SLC27A6: variants seen among roughly 807,000 people sequenced by gnomAD.
SLC27A6 encodes the protein long-chain fatty acid transport protein 6.
A neutral mutation model predicts 63.9 loss-of-function variants in SLC27A6; 74 were observed. That is an observed-to-expected ratio of 1.16 (90% confidence interval 0.96 to 1.40). SLC27A6 has a LOEUF of 1.40. SLC27A6 is among the 40% of genes most tolerant of loss of function. SLC27A6 has a pLI of 0.00. For missense variants in SLC27A6, 794 were observed against 732.9 expected, an observed-to-expected ratio of 1.08 and a Z score of -0.96; for synonymous variants, 287 against 260.8, an observed-to-expected ratio of 1.10 and a Z score of -0.97.
At chr5:128,985,774 G>T (rs563403451) in intron 2 of SLC27A6, among the ~76,000 whole-genome samples, 8 of 152,136 alleles carry the variant, frequency 5.3e-5, no homozygotes, top group Non-Finnish European at 1.0e-4. Flanking sequence ...GTGTTTTAAT[G>T]TACTTGAAAA....
rs144856578 is a variant in SLC27A6, at chr5:129,028,371, C to T, written c.1481C>T (p.Thr494Ile). The T allele has an allele frequency of 4.7e-5, 76 of 1,610,736 alleles. No homozygotes were observed. The African/African-American group carries it at 7.3e-4, about 16-fold the overall frequency. Residue 494 changes from threonine (T) to isoleucine (I), a missense_variant, in exon 8 of 10, where the codon ACT becomes ATT. Physicochemically the swap from Thr to Ile is moderately conservative, Grantham distance 89 (BLOSUM62 -1). Transcript: ENST00000262462. ...TGGAAAGGAGAAAATGTCGCAACCA[C>T]TGAGGTTGCTGATGTTATTGGAATG... is the stretch of plus-strand genomic sequence containing the variant. Reference protein sequence around the residue: ...FRWKGENVATTEVADVIGMLD... With the variant: ...FRWKGENVATIEVADVIGMLD...
intron 4 of SLC27A6, among the ~76,000 whole-genome samples, chr5:128,996,998 A>C (rs1751182963): frequency 6.6e-6 from 1 of 152,102 alleles, no homozygotes; most frequent in Admixed American, 6.6e-5. Flanking sequence ...GGGCATATTA[A>C]AAATATTCTC....
rs1021041579 is a variant in SLC27A6, at chr5:129,028,517, T to C, written c.1552+75T>C. 4.0e-5 allele frequency: 35 copies of C among 864,766 alleles called. No individual in the cohort carries two copies. In the Admixed American group the frequency reaches 4.8e-4, roughly 12 times the overall value. 53.6% of individuals were successfully genotyped at this position (864,766 alleles called of 1,614,324 possible). On this transcript the variant is annotated intron_variant, in intron 8 of 9. Coordinates refer to ENST00000262462, the MANE Select transcript of SLC27A6 (RefSeq NM_001017372.3). ...CTATTCTCTAGTTTTGCAACAGTCT[T>C]GCTAATTCAACATTTTAATTTTTGT...
At position 128,966,513 on chromosome 5, in the gene SLC27A6, G is replaced by T. The variant is rs752295243; in HGVS notation, c.376G>T (p.Ala126Ser). 1.6e-5 allele frequency: 25 copies of T among 1,605,286 alleles called. No individual in the cohort carries two copies. Among genetic ancestry groups the T allele is most frequent in the African/African-American group, 8.0e-5 (6 of 74,590 alleles). ...CTTCGTTCACGTGTGGTTCGGCCTC[G>T]CCAAGCTGGGCTGCGTGGTGGCCTT... ...PDFVHVWFGL[A>S]KLGCVVAFLN... is the part of the protein sequence containing the mutation. The change falls in exon 1 of 10, where the codon GCC becomes TCC. Residue 126 changes from alanine (A) to serine (S), a missense_variant. Transcript: ENST00000262462.
intron 4 of SLC27A6, among the ~76,000 whole-genome samples, chr5:129,013,924 A>G (rs1332226159): frequency 6.6e-6 from 1 of 152,180 alleles, no homozygotes; most frequent in African/African-American, 2.4e-5. Flanking sequence ...CTGATGGCAC[A>G]TGGCTGGGAT....
intron 4 of SLC27A6, among the ~76,000 whole-genome samples, chr5:128,992,079 A>C (rs549226670): frequency 6.6e-6 from 1 of 151,756 alleles, no homozygotes; most frequent in Admixed American, 6.6e-5. Flanking sequence ...TCAGATCCAC[A>C]TCAGCCCCTT....
intron 4 of SLC27A6, among the ~76,000 whole-genome samples, chr5:128,999,717 T>G (rs563407520): frequency 2.0e-5 from 3 of 151,978 alleles, no homozygotes; most frequent in Admixed American, 2.0e-4. Context: ...CTTGGACTGT[T>G]CCCCCCCTGG....
intron 1 of SLC27A6, among the ~76,000 whole-genome samples, chr5:128,978,836 T>C (rs1281929800): frequency 1.3e-5 from 2 of 152,182 alleles, no homozygotes; most frequent in African/African-American, 4.8e-5. Flanking sequence ...GATGGTCCCA[T>C]AAGATTGTAA....
At chr5:128,982,196 CTTTTA>C (rs1046279020) in intron 1 of SLC27A6, among the ~76,000 whole-genome samples, 1 of 152,140 alleles carries the variant, frequency 6.6e-6, no homozygotes, top group Non-Finnish European at 1.5e-5. Flanking sequence ...CTACATGACT[CTTTTA>C]TTTTAACTTT....
At chr5:128,967,648 T>A (rs1055194160) in intron 1 of SLC27A6, among the ~76,000 whole-genome samples, 2 of 152,114 alleles carry the variant, frequency 1.3e-5, no homozygotes, top group African/African-American at 2.4e-5. Context: ...CCAAAGTGAG[T>A]TAGGCAGTAT....
At chr5:129,028,990 G>A (rs1441181779) in intron 8 of SLC27A6, among the ~76,000 whole-genome samples, 3 of 151,940 alleles carry the variant, frequency 2.0e-5, no homozygotes, top group Non-Finnish European at 4.4e-5. Flanking sequence ...GCTTTTAGGT[G>A]CAGGAGAGAT....
At chr5:129,015,754 A>G (rs781094403) in intron 4 of SLC27A6, 131 bp from the exon 5 acceptor site, 19 of 625,272 alleles carry the variant, frequency 3.0e-5, no homozygotes, top group Non-Finnish European at 5.2e-5. Flanking sequence ...ATAGACTTAT[A>G]CACATATTTT....
chr5:128,973,652 A>G lies in SLC27A6; in HGVS notation c.481+7034A>G, dbSNP rs1391381472. Among the ~76,000 whole-genome samples, 6 of 152,306 alleles carry G rather than the reference A, an allele frequency of 3.9e-5. No homozygotes were observed. In the East Asian group the frequency reaches 1.2e-3, roughly 29 times the overall value. ...AAAAGTGCAGTATTAGAGTGAGAGT[A>G]TCCCGAGTTTCCAGGTACCGTCTGT... On this transcript the variant is annotated intron_variant, in intron 1 of 9. Transcript: ENST00000262462.
rs190993765 is a variant in SLC27A6 at position 129,001,938 on chromosome 5, G to C, written c.969+11474G>C. On this transcript the variant is annotated intron_variant, in intron 4 of 9. Coordinates refer to ENST00000262462, the MANE Select transcript of SLC27A6 (RefSeq NM_001017372.3). ...CTTGACCTTGTAGGAGGTACCTACA[G>C]TTCAACTTACTGTGCAGCAGCTCAG... 3.9e-5 allele frequency among the ~76,000 whole-genome samples: 6 copies of C among 152,346 alleles called. No homozygotes were observed. The East Asian group carries it at 1.2e-3, about 29-fold the overall frequency.
At chr5:128,986,877 T>C (rs1750806427) in intron 2 of SLC27A6, among the ~76,000 whole-genome samples, 1 of 151,244 alleles carries the variant, frequency 6.6e-6, no homozygotes, top group African/African-American at 2.4e-5. Flanking sequence ...TTGAAGAAAA[T>C]TCATTTGCCC....
chr5:129,001,599 G>T (rs1036481023), intron 4 of SLC27A6, among the ~76,000 whole-genome samples: 5 of 152,140 alleles, frequency 3.3e-5, no homozygotes, highest in African/African-American at 1.2e-4. Context: ...TGCATTAAAT[G>T]GTTAGTTATC....
intron 5 of SLC27A6, among the ~76,000 whole-genome samples, chr5:129,022,065 G>A (rs1034344873): frequency 1.3e-5 from 2 of 152,140 alleles, no homozygotes; most frequent in Non-Finnish European, 2.9e-5. Flanking sequence ...AGGCAGTCCC[G>A]GAACTTCTGG....
At chr5:129,025,205 G>A (rs577661140) in intron 6 of SLC27A6, among the ~76,000 whole-genome samples, 27 of 152,116 alleles carry the variant, frequency 1.8e-4, no homozygotes, top group African/African-American at 4.3e-4. Flanking sequence ...TTCCATTAAG[G>A]CATTGTGTCT....
chr5:129,007,896 T>C (rs1307201750), intron 4 of SLC27A6, among the ~76,000 whole-genome samples: 1 of 152,124 alleles, frequency 6.6e-6, no homozygotes, highest in Non-Finnish European at 1.5e-5. Flanking sequence ...GGTATAATTA[T>C]ATGATAATCA....
Sources: allele counts gnomAD v4.1 joint callset (sites outside exome capture counted in the v4.1 genomes callset), GRCh38; gene constraint gnomAD v4.1.1; transcripts MANE v1.5; gene names NCBI Gene and HGNC (gene_info 2026-07-23, HGNC 2026-07-21).